Variants in NRXN1 observed in about 807,000 individuals in gnomAD.
The protein encoded by NRXN1 is neurexin-1.
NRXN1 carries 39 observed loss-of-function variants against 150.9 expected under a neutral mutation model. The observed-to-expected ratio is 0.26, with a 90% CI of 0.20 to 0.34. NRXN1 has a LOEUF of 0.34. Ranked by LOEUF, NRXN1 falls within the 10% of genes least tolerant of loss-of-function variation. The pLI, the probability that NRXN1 is intolerant of heterozygous loss-of-function variation, is 1.00. For synonymous variants in NRXN1, 924 were observed against 757.0 expected (o/e 1.22, Z -3.62); for missense variants, 1,815 against 1,949.9 (o/e 0.93, Z 1.30).
At chr2:50,512,343 C>T (rs1181605951) in intron 12 of NRXN1, among the ~76,000 whole-genome samples, 1 of 152,100 alleles carries the variant, frequency 6.6e-6, no homozygotes, top group Non-Finnish European at 1.5e-5. Flanking sequence ...TTAATACGTG[C>T]TAGAAAATGT....
chr2:50,311,191 C>G (rs903337082), intron 17 of NRXN1, among the ~76,000 whole-genome samples: 7 of 152,080 alleles, frequency 4.6e-5, no homozygotes, highest in Admixed American at 1.3e-4. Context: ...GGTACCTCGT[C>G]TTCTCTTTAA....
At chr2:50,561,219 T>C (rs1669027241) in intron 8 of NRXN1, among the ~76,000 whole-genome samples, 1 of 152,316 alleles carries the variant, frequency 6.6e-6, no homozygotes, top group Admixed American at 6.5e-5. Context: ...AAAGACTGAG[T>C]TGTCCTTGGG....
chr2:50,039,768 C>A (rs1690635575), intron 21 of NRXN1, among the ~76,000 whole-genome samples: 1 of 151,968 alleles, frequency 6.6e-6, no homozygotes, highest in Admixed American at 6.6e-5. Flanking sequence ...GCAAGAGATT[C>A]AATACAAGAA....
intron 17 of NRXN1, among the ~76,000 whole-genome samples, chr2:50,270,709 G>T (rs1421823260): frequency 1.4e-5 from 2 of 145,464 alleles, no homozygotes; most frequent in Non-Finnish European, 3.0e-5. Context: ...CTCATTTGTT[G>T]CCCAGGCTGG....
In NRXN1 at chr2:50,447,737, T is replaced by TTATATATATATATATA. The variant is rs70948710; in HGVS notation, c.3364+17689_3364+17704dup. On this transcript the variant is annotated intron_variant, in intron 17 of 22. Transcript: ENST00000401669. Reference sequence around the variant, plus strand: ...AAATCACATAGTAAGCAGGGGAACGTTATATATATATATATATATATATAT... The same window carrying TTATATATATATATATA: ...AAATCACATAGTAAGCAGGGGAACGTTATATATATATATATATATATATATATATATATATATATAT... 2.6e-3 allele frequency among the ~76,000 whole-genome samples: 99 copies of TTATATATATATATATA among 37,852 alleles called. 5 individuals are homozygous for TTATATATATATATATA. Among genetic ancestry groups the TTATATATATATATATA allele is most frequent in the East Asian group, 4.2e-3 (2 of 480 alleles). The allele number at this position is 37,852 out of a possible 152,430, so 24.8% of individuals were successfully genotyped here. A position where few individuals can be genotyped will look rare whatever the true frequency, so the allele number is the denominator to read the frequency against.
At chr2:50,175,572 A>T (rs188579940) in intron 18 of NRXN1, among the ~76,000 whole-genome samples, 18 of 152,218 alleles carry the variant, frequency 1.2e-4, no homozygotes, top group South Asian at 2.1e-4. Flanking sequence ...TACACAAAAG[A>T]ATATATGTGG....
intron 5 of NRXN1, among the ~76,000 whole-genome samples, chr2:50,737,665 T>C (rs1038870233): frequency 1.2e-4 from 19 of 152,148 alleles, no homozygotes; most frequent in African/African-American, 3.9e-4. Context: ...TAATTTTGGA[T>C]GATCGCCCTC....
At chr2:50,876,429 A>G (rs1385478332) in intron 5 of NRXN1, among the ~76,000 whole-genome samples, 1 of 151,886 alleles carries the variant, frequency 6.6e-6, no homozygotes, top group Non-Finnish European at 1.5e-5. Flanking sequence ...ATTAAGTCCA[A>G]CAAATTCTTT....
chr2:50,479,651 G>A (rs2104770362), intron 15 of NRXN1, among the ~76,000 whole-genome samples: 1 of 151,704 alleles, frequency 6.6e-6, no homozygotes, highest in South Asian at 2.1e-4. Context: ...GAAACAATAA[G>A]GACACAGGGA....
At chr2:50,537,842 A>T (rs1444732581) in intron 10 of NRXN1, among the ~76,000 whole-genome samples, 2 of 152,192 alleles carry the variant, frequency 1.3e-5, no homozygotes, top group Non-Finnish European at 1.5e-5. Context: ...TGCAACTCAT[A>T]GCTTAGCTTG....
intron 8 of NRXN1, among the ~76,000 whole-genome samples, chr2:50,554,097 T>C (rs1667891008): frequency 6.6e-6 from 1 of 152,198 alleles, no homozygotes; most frequent in African/African-American, 2.4e-5. Flanking sequence ...TCTATAGATT[T>C]CAAAGCTCCC....
chr2:50,154,496 A>G (rs897180001), intron 18 of NRXN1, among the ~76,000 whole-genome samples: 3 of 151,718 alleles, frequency 2.0e-5, no homozygotes, highest in Admixed American at 6.6e-5. Flanking sequence ...ACAGCTTTCT[A>G]TCCGGTAAAA....
chr2:50,178,835 C>T (rs1245992681), intron 18 of NRXN1, among the ~76,000 whole-genome samples: 1 of 152,076 alleles, frequency 6.6e-6, no homozygotes, highest in African/African-American at 2.4e-5. Context: ...TAGCTTGTAG[C>T]TGCCAAAGAC....
intron 17 of NRXN1, among the ~76,000 whole-genome samples, chr2:50,437,573 CAT>C (rs1205570924): frequency 1.3e-5 from 2 of 152,000 alleles, no homozygotes; most frequent in East Asian, 3.9e-4. Flanking sequence ...TTGTTGATAT[CAT>C]GTGTTGAGGG....
Position 50,053,689 on chromosome 2 carries a change from G to T in NRXN1, c.3809-99C>A, listed in dbSNP as rs562114788. The T allele has an allele frequency of 9.9e-5, 120 of 1,207,490 alleles. 1 individual carries two copies. The African/African-American group carries it at 1.7e-3, about 17-fold the overall frequency. The allele number at this position is 1,207,490 out of a possible 1,614,324, so 74.8% of individuals were successfully genotyped here. The stretch of plus-strand genomic sequence containing the variant: ...ATCTTTTATGGGGTGAATAATGAGA[G>T]CAATAAACTATAAGAGAGGCATTTG... On this transcript the variant is annotated intron_variant, in intron 20 of 22. Transcript: ENST00000401669.
intron 5 of NRXN1, among the ~76,000 whole-genome samples, chr2:50,831,929 T>A (rs1671460052): frequency 6.6e-6 from 1 of 152,148 alleles, no homozygotes; most frequent in Admixed American, 6.5e-5. Context: ...ATTGTTCACA[T>A]TGAGTAGCAG....
chr2:50,864,593 T>C (rs1676604975), intron 5 of NRXN1, among the ~76,000 whole-genome samples: 1 of 152,020 alleles, frequency 6.6e-6, no homozygotes, highest in Non-Finnish European at 1.5e-5. Flanking sequence ...TAAAAATCTA[T>C]GTAGAACCCA....
chr2:50,388,979 C>T (rs1001024863), intron 17 of NRXN1, among the ~76,000 whole-genome samples: 2 of 151,970 alleles, frequency 1.3e-5, no homozygotes, highest in Non-Finnish European at 2.9e-5. Context: ...ACAGCCTGGG[C>T]AACGTGGTGA....
chr2:50,251,721 A>G (rs2067106785), intron 17 of NRXN1, among the ~76,000 whole-genome samples: 1 of 152,132 alleles, frequency 6.6e-6, no homozygotes, highest in South Asian at 2.1e-4. Flanking sequence ...AATAATCACC[A>G]TTCTGACTGC....
Sources: allele counts gnomAD v4.1 joint callset (sites outside exome capture counted in the v4.1 genomes callset), GRCh38; gene constraint gnomAD v4.1.1; transcripts MANE v1.5; gene names NCBI Gene and HGNC (gene_info 2026-07-23, HGNC 2026-07-21).